The following RHPN1 variants were observed in gnomAD, a reference collection of about 807,000 sequenced individuals.
The protein encoded by RHPN1 is rhophilin Rho GTPase binding protein 1.
In RHPN1, 77 loss-of-function variants were observed where a neutral mutation model predicts 74.7. That is an observed-to-expected ratio of 1.03 (90% CI 0.86 to 1.25). The LOEUF (loss-of-function observed/expected upper bound fraction) is 1.25. Among genes scored for constraint, RHPN1 ranks in the 50% most tolerant of loss-of-function variants. RHPN1 has a pLI of 0.00. For synonymous variants in RHPN1, 444 were observed against 414.5 expected (o/e 1.07, Z -0.87); for missense variants, 987 against 932.2 (o/e 1.06, Z -0.77).
chr8:143,380,891 A>C (rs754428058), intron 11 of RHPN1, 108 bp downstream of exon 11: 12 of 940,310 alleles, frequency 1.3e-5, no homozygotes, highest in Non-Finnish European at 1.9e-5. Context: ...ACCACGATGA[A>C]TTAAACAGCA....
chr8:143,368,842 C>T (rs951714932), upstream of RHPN1: 2 of 430,388 alleles, frequency 4.6e-6, no homozygotes, highest in Non-Finnish European at 7.5e-6. Context: ...GGGCCGCCCC[C>T]ACTCAGGAGG....
chr8:143,382,760 G>C lies in RHPN1; in HGVS notation c.*109G>C. On this transcript the variant is annotated 3_prime_UTR_variant, in exon 15 of 15. Transcript: ENST00000289013. The stretch of plus-strand genomic sequence containing the variant: ...GGCAATGCCTGTCCCGCCTCATGCT[G>C]GAGGCTGCCTCGGGCACCTGCCTGC... 1 of 963,210 alleles carries C rather than the reference G, an allele frequency of 1.0e-6. No homozygotes were observed. The highest frequency in any genetic ancestry group is 1.5e-6 in the Non-Finnish European group (1 of 654,426). 59.7% of individuals were successfully genotyped at this position (963,210 alleles called of 1,614,324 possible). A position where few individuals can be genotyped will look rare whatever the true frequency, so the allele number is the denominator to read the frequency against.
chr8:143,380,847 A>G, intron 11 of RHPN1, 64 bp downstream of exon 11: 1 of 1,307,342 alleles, frequency 7.6e-7, no homozygotes, highest in Non-Finnish European at 1.0e-6. Context: ...TTCGTCCTGG[A>G]GAAAGGGAGG....
At chr8:143,368,744 A>T (rs896756282), upstream of RHPN1, 1 of 298,388 alleles carries the variant, frequency 3.4e-6, no homozygotes, top group Non-Finnish European at 6.2e-6. Flanking sequence ...TGGTTGGCTG[A>T]TATAGCTGTC....
intron 5 of RHPN1, 132 bp from the exon 6 acceptor site, chr8:143,378,564 C>CA: frequency 7.8e-7 from 1 of 1,288,576 alleles, no homozygotes. Flanking sequence ...CTTCGGGAGT[C>CA]ACGGCTGCCC....
upstream of RHPN1, among the ~76,000 whole-genome samples, chr8:143,365,367 T>C (rs1469947210): frequency 1.3e-5 from 2 of 152,186 alleles, no homozygotes; most frequent in African/African-American, 4.8e-5. Flanking sequence ...GCAGGAAATT[T>C]CTGGAATCAG....
In RHPN1 at chr8:143,380,588, G is replaced by A. The variant is rs747926866; in HGVS notation, c.1217-1G>A. On this transcript the variant is annotated splice_acceptor_variant, in intron 10 of 14. Coordinates refer to ENST00000289013, the MANE Select transcript of RHPN1 (RefSeq NM_052924.3). LOFTEE classifies it high-confidence loss of function. ...GTGACATCCCAGTGCCCCGCGTGCA[G>A]GCAAGGCACACCTGAAGCGTGCCAT... 3 of 1,504,210 alleles carry A rather than the reference G, an allele frequency of 2.0e-6. No individual in the cohort carries two copies. Among genetic ancestry groups the A allele is most frequent in the Non-Finnish European group, 2.7e-6 (3 of 1,122,306 alleles). The allele number at this position is 1,504,210 out of a possible 1,614,324, so 93.2% of individuals were successfully genotyped here.
chr8:143,366,994 C>G (rs1285009356), upstream of RHPN1: 1 of 152,272 alleles, frequency 6.6e-6, no homozygotes, highest in African/African-American at 2.4e-5. Flanking sequence ...ATGCTCAGGC[C>G]CACAGGTAAG....
Position 143,379,409 on chromosome 8 carries a change from C to T in RHPN1, c.846C>T (p.Ala282=). The part of the protein sequence containing the change: ...SLCALEQLMM[A]QAQECVFEGL... The stretch of plus-strand genomic sequence containing the variant: ...GCGCACTGGAGCAGCTCATGATGGC[C>T]CAGGCCCAGGAATGTGTGTTTGAGG... The change falls in exon 8 of 15, where the codon GCC becomes GCT. Residue 282 remains alanine, a synonymous_variant. Coordinates refer to ENST00000289013, the MANE Select transcript of RHPN1 (RefSeq NM_052924.3). The T allele has an allele frequency of 3.8e-6, 6 of 1,588,650 alleles. No individual in the cohort carries two copies. Among genetic ancestry groups the T allele is most frequent in the South Asian group, 3.4e-5 (3 of 87,302 alleles).
intron 3 of RHPN1, 51 bp downstream of exon 3, chr8:143,376,704 CGTGTGTGTGTGCATGTGTGT>C: frequency 6.6e-7 from 1 of 1,520,586 alleles, no homozygotes; most frequent in Non-Finnish European, 8.9e-7. Flanking sequence ...TGCACGTGTG[CGTGTGTGTGTGCATGTGTGT>C]GCACGCATGT....
In RHPN1 at chr8:143,375,534, G is replaced by A. The variant is rs540904966; in HGVS notation, c.61-19G>A. 92 of 1,552,090 alleles carry A rather than the reference G, an allele frequency of 5.9e-5. 1 individual carries two copies. The South Asian group carries it at 8.1e-4, about 14-fold the overall frequency. ...GGCGCCACGGGGTCGGGCTGTGATCGCCTGTGGCCTCCCTGCAGGGCTGTG... is the reference window on the plus strand; with the variant it reads ...GGCGCCACGGGGTCGGGCTGTGATCACCTGTGGCCTCCCTGCAGGGCTGTG... On this transcript the variant is annotated intron_variant, in intron 1 of 14. Coordinates refer to ENST00000289013, the MANE Select transcript of RHPN1 (RefSeq NM_052924.3).
At chr8:143,382,212 C>T (rs1022978470) in intron 14 of RHPN1, among the ~76,000 whole-genome samples, 26 of 152,232 alleles carry the variant, frequency 1.7e-4, no homozygotes, top group Admixed American at 6.5e-5. Flanking sequence ...CTGGAGGCTT[C>T]TGGGCCAGGC....
At chr8:143,378,394 C>A in intron 5 of RHPN1, 48 bp downstream of exon 5, 1 of 1,371,638 alleles carries the variant, frequency 7.3e-7, no homozygotes. Context: ...CTGGGAGACA[C>A]ATGCGGAGGC....
At position 143,376,387 on chromosome 8, in the gene RHPN1, G is replaced by A; in HGVS notation, c.177-138G>A. 1.5e-6 allele frequency: 2 copies of A among 1,291,246 alleles called. 1 individual carries two copies. Among genetic ancestry groups the A allele is most frequent in the Non-Finnish European group, 2.1e-6 (2 of 942,184 alleles). The allele number at this position is 1,291,246 out of a possible 1,614,324, so 80.0% of individuals were successfully genotyped here. On this transcript the variant is annotated intron_variant, in intron 2 of 14. Coordinates refer to ENST00000289013, the MANE Select transcript of RHPN1 (RefSeq NM_052924.3). Reference sequence around the variant, plus strand: ...CTGCTGCCCCTGCCCCACCCATGGGGGGCAGACCCTGTCAGCGACGTCCTC... The same window carrying A: ...CTGCTGCCCCTGCCCCACCCATGGGAGGCAGACCCTGTCAGCGACGTCCTC...
At chr8:143,375,727 G>A (rs1818172297) in intron 2 of RHPN1, 59 bp downstream of exon 2, 4 of 1,317,998 alleles carry the variant, frequency 3.0e-6, no homozygotes, top group Admixed American at 4.4e-5. Context: ...AGGGGGGCAG[G>A]ACAGCCACGC....
In RHPN1 at chr8:143,368,956, C is replaced by T. The variant is rs1239233997; in HGVS notation, c.-32C>T. Reference sequence around the variant, plus strand: ...CTGCGCGAGCGGCGGGCTGGCTGACCCCGAGGGACCCCCAGCGCAGCGGGT... The same window carrying T: ...CTGCGCGAGCGGCGGGCTGGCTGACTCCGAGGGACCCCCAGCGCAGCGGGT... On this transcript the variant is annotated 5_prime_UTR_variant, in exon 1 of 15. Transcript: ENST00000289013. 6.7e-5 allele frequency: 97 copies of T among 1,456,310 alleles called. No homozygotes were observed. Among genetic ancestry groups the T allele is most frequent in the Non-Finnish European group, 8.6e-5 (95 of 1,110,728 alleles). 90.2% of individuals were successfully genotyped at this position (1,456,310 alleles called of 1,614,324 possible).
upstream of RHPN1, among the ~76,000 whole-genome samples, chr8:143,365,528 C>CA (rs1817545472): frequency 6.6e-6 from 1 of 152,220 alleles, no homozygotes; most frequent in Non-Finnish European, 1.5e-5. Flanking sequence ...GCTTCCCGCT[C>CA]ACAGCCATTG....
At chr8:143,379,251 G>A in intron 7 of RHPN1, 64 bp from the exon 8 acceptor site, 1 of 1,469,342 alleles carries the variant, frequency 6.8e-7, no homozygotes, top group Non-Finnish European at 9.0e-7. Context: ...CGCCCTGAGT[G>A]CTGCATGGGG....
At chr8:143,368,429 T>C (rs1817610839), upstream of RHPN1, 1 of 152,492 alleles carries the variant, frequency 6.6e-6, no homozygotes, top group Non-Finnish European at 1.5e-5. Flanking sequence ...ACAAGCCTCT[T>C]AGAGGGTCCC....
Sources: gnomAD v4.1 joint callset for allele counts (sites outside exome capture counted in the v4.1 genomes callset) on GRCh38, gnomAD v4.1.1 for gene constraint, MANE v1.5 for transcripts, NCBI Gene and HGNC (gene_info 2026-07-23, HGNC 2026-07-21) for gene names.